The following GRAMD1B variants were observed in gnomAD, a reference collection of about 807,000 sequenced individuals.
GRAMD1B encodes GRAM domain containing 1B.
In GRAMD1B, 37 loss-of-function variants were observed where a neutral mutation model predicts 99.7. The ratio of observed to expected loss-of-function variants is 0.37; its 90% CI spans 0.29 to 0.49. The LOEUF is 0.49. Among genes scored for constraint, GRAMD1B ranks in the 20% least tolerant of loss-of-function variants. GRAMD1B has a pLI of 0.98. For synonymous variants in GRAMD1B, 427 were observed against 387.6 expected, an observed-to-expected ratio of 1.10 and a Z score of -1.19; for missense variants, 888 against 1,009.2, an observed-to-expected ratio of 0.88 and a Z score of 1.63.
intron 2 of GRAMD1B, among the ~76,000 whole-genome samples, chr11:123,494,398 G>A (rs372677679): frequency 2.0e-5 from 3 of 150,332 alleles, no homozygotes; most frequent in African/African-American, 7.3e-5. Context: ...ACATGGTCTT[G>A]TGGAAGACAG....
chr11:123,556,887 G>A (rs1217233832), intron 2 of GRAMD1B, among the ~76,000 whole-genome samples: 1 of 152,228 alleles, frequency 6.6e-6, no homozygotes, highest in East Asian at 1.9e-4. Context: ...CAGAAAGTAT[G>A]AGTGCCTCTA....
rs552911031 is a variant in GRAMD1B, at chr11:123,523,230, A to C, written c.452+42337A>C. 3.7e-4 allele frequency among the ~76,000 whole-genome samples: 56 copies of C among 152,282 alleles called. No homozygotes were observed. The South Asian group carries it at 4.2e-3, about 11-fold the overall frequency. ...GCCTGTAATCCCAGCTACTCGGGAGACTGAGGCAGGAGAATTGCTTGAACC... is the reference window on the plus strand; with the variant it reads ...GCCTGTAATCCCAGCTACTCGGGAGCCTGAGGCAGGAGAATTGCTTGAACC... On this transcript the variant is annotated intron_variant, in intron 2 of 19. Transcript: ENST00000635736.
chr11:123,593,365 T>TG (rs374115928), intron 4 of GRAMD1B, among the ~76,000 whole-genome samples: 2 of 151,970 alleles, frequency 1.3e-5, no homozygotes, highest in Admixed American at 6.5e-5. Context: ...CATGTTGCAG[T>TG]GGGGGGAAGT....
At chr11:123,456,603 C>T (rs536933718) in intron 1 of GRAMD1B, among the ~76,000 whole-genome samples, 2 of 151,966 alleles carry the variant, frequency 1.3e-5, no homozygotes, top group East Asian at 3.9e-4. Context: ...CATGAGACCT[C>T]GTCTCTACAG....
chr11:123,617,749 T>C (rs921675664), intron 17 of GRAMD1B, among the ~76,000 whole-genome samples: 2 of 152,224 alleles, frequency 1.3e-5, no homozygotes, highest in Non-Finnish European at 2.9e-5. Flanking sequence ...CTGGATCCTC[T>C]CTACCCATGA....
At chr11:123,447,138 G>T (rs1238354791) in intron 1 of GRAMD1B, among the ~76,000 whole-genome samples, 1 of 152,134 alleles carries the variant, frequency 6.6e-6, no homozygotes. Flanking sequence ...GACAGGATCT[G>T]CTGGGTGGGA....
intron 2 of GRAMD1B, among the ~76,000 whole-genome samples, chr11:123,533,649 A>G (rs975578704): frequency 6.6e-6 from 1 of 151,276 alleles, no homozygotes; most frequent in African/African-American, 2.4e-5. Context: ...CTGGTCTTGA[A>G]CTCCTGACCT....
At chr11:123,581,489 G>A (rs1488033403) in intron 3 of GRAMD1B, among the ~76,000 whole-genome samples, 3 of 152,206 alleles carry the variant, frequency 2.0e-5, no homozygotes, top group South Asian at 2.1e-4. Flanking sequence ...CGGGAATGCA[G>A]AACCACGGGG....
chr11:123,585,024 G>T (rs1187955954), intron 4 of GRAMD1B, among the ~76,000 whole-genome samples: 1 of 152,236 alleles, frequency 6.6e-6, no homozygotes, highest in Non-Finnish European at 1.5e-5. Context: ...GCTGTCTGAG[G>T]CTCTCAGCTG....
In GRAMD1B at chr11:123,510,241, C is replaced by T. The variant is rs1565311955; in HGVS notation, c.452+29348C>T. ...CTTCCTGCTCCCCCCGGCTCTTGCT[C>T]ATTACCTGCCAGCTGGCCTCTTCCC... On this transcript the variant is annotated intron_variant, in intron 2 of 19. Coordinates refer to ENST00000635736, the MANE Select transcript of GRAMD1B (RefSeq NM_001387025.1). The surrounding 1 kb of genome is among the most constrained non-coding windows in gnomAD (Gnocchi z 4.3). 6.6e-6 allele frequency among the ~76,000 whole-genome samples: 1 copy of T among 152,182 alleles called. No homozygotes were observed. The highest frequency in any genetic ancestry group is 6.5e-5 in the Admixed American group (1 of 15,280).
intron 2 of GRAMD1B, among the ~76,000 whole-genome samples, chr11:123,508,111 C>T (rs574213235): frequency 2.1e-4 from 32 of 152,176 alleles, no homozygotes; most frequent in South Asian, 2.1e-3. Flanking sequence ...ATATTTTCTG[C>T]GGCTATAACA....
At chr11:123,436,106 A>C (rs2846294) in intron 1 of GRAMD1B, among the ~76,000 whole-genome samples, 63,129 of 151,694 alleles carry the variant, frequency 0.42, 13,581 homozygotes, top group East Asian at 0.66. Flanking sequence ...CCACGCCCAG[A>C]TAATTTTTGT....
At chr11:123,394,361 C>A (rs1342082595) in intron 1 of GRAMD1B, among the ~76,000 whole-genome samples, 1 of 152,232 alleles carries the variant, frequency 6.6e-6, no homozygotes, top group Non-Finnish European at 1.5e-5. Context: ...CATGGCCAGG[C>A]TTTAACATAT....
At chr11:123,480,206 G>A (rs1441264888) in intron 1 of GRAMD1B, among the ~76,000 whole-genome samples, 1 of 152,148 alleles carries the variant, frequency 6.6e-6, no homozygotes, top group African/African-American at 2.4e-5. Flanking sequence ...CTTAAGGTGT[G>A]GAGAGTCCAC....
At chr11:123,598,037 C>T (rs753142308) in intron 7 of GRAMD1B, 10 of 1,339,092 alleles carry the variant, frequency 7.5e-6, no homozygotes, top group East Asian at 6.9e-5. Flanking sequence ...GTCAGGCTGC[C>T]ATCATTCTGA....
At chr11:123,548,456 A>G (rs1023218127) in intron 2 of GRAMD1B, among the ~76,000 whole-genome samples, 12 of 151,346 alleles carry the variant, frequency 7.9e-5, no homozygotes, top group African/African-American at 2.9e-4. Context: ...AACAGACAGC[A>G]CTTCCTGGAG....
chr11:123,392,971 A>G (rs932241197), intron 1 of GRAMD1B, among the ~76,000 whole-genome samples: 2 of 152,200 alleles, frequency 1.3e-5, no homozygotes, highest in Non-Finnish European at 2.9e-5. Context: ...TGCCTTTTGT[A>G]TCTTCAGTTC....
intron 1 of GRAMD1B, among the ~76,000 whole-genome samples, chr11:123,374,524 G>T (rs1946630746): frequency 6.6e-6 from 1 of 152,172 alleles, no homozygotes; most frequent in Non-Finnish European, 1.5e-5. Context: ...CACGTCTAAT[G>T]CAGGAAGGGC....
At chr11:123,455,943 G>A (rs56222026) in intron 1 of GRAMD1B, among the ~76,000 whole-genome samples, 18,283 of 152,150 alleles carry the variant, frequency 0.12, 1,257 homozygotes, top group Non-Finnish European at 0.15. Flanking sequence ...GCCAAGGTGG[G>A]CGGATCATTT....
Sources: gnomAD v4.1 joint callset for allele counts (sites outside exome capture counted in the v4.1 genomes callset) on GRCh38, gnomAD v4.1.1 for gene constraint, Gnocchi (gnomAD v3.1) non-coding constraint, MANE v1.5 for transcripts, NCBI Gene and HGNC (gene_info 2026-07-23, HGNC 2026-07-21) for gene names.